CHL1: variants seen among roughly 807,000 people sequenced by gnomAD.
CHL1 encodes cell adhesion molecule L1 like.
A neutral mutation model predicts 141.9 loss-of-function variants in CHL1; 96 were observed. The ratio of observed to expected loss-of-function variants is 0.68; its 90% CI spans 0.57 to 0.80. CHL1 has a LOEUF of 0.80. Ranked by LOEUF, CHL1 falls within the 30% of genes least tolerant of loss-of-function variation. The pLI is 0.00. For synonymous variants in CHL1, 613 were observed against 502.2 expected, an observed-to-expected ratio of 1.22 and a Z score of -2.95; for missense variants, 1,820 against 1,457.2, an observed-to-expected ratio of 1.25 and a Z score of -4.05.
chr3:405,827 G>A lies in CHL1; in HGVS notation c.*116G>A, dbSNP rs1322674659. 2 of 699,186 alleles carry A rather than the reference G, an allele frequency of 2.9e-6. No homozygotes were observed. Among genetic ancestry groups the A allele is most frequent in the East Asian group, 5.4e-5 (2 of 37,100 alleles). 43.3% of individuals were successfully genotyped at this position (699,186 alleles called of 1,614,324 possible). A position where few individuals can be genotyped will look rare whatever the true frequency, so the allele number is the denominator to read the frequency against. ...ACATGCTGGCCGAAGATTTCATCCA[G>A]AAGTCAACATCCTGCAATTATGTTG... is the stretch of plus-strand genomic sequence containing the variant. On this transcript the variant is annotated 3_prime_UTR_variant, in exon 28 of 28. Coordinates refer to ENST00000256509, the MANE Select transcript of CHL1 (RefSeq NM_006614.4).
At chr3:397,844 C>T (rs752520638) in intron 24 of CHL1, among the ~76,000 whole-genome samples, 8 of 151,988 alleles carry the variant, frequency 5.3e-5, no homozygotes, top group East Asian at 3.9e-4. Context: ...TAGTTAGTTA[C>T]GATTATAAGG....
At position 382,357 on chromosome 3, in the gene CHL1, T is replaced by C. The variant is rs1486424837; in HGVS notation, c.1978+77T>C. The C allele has an allele frequency of 3.4e-6, 5 of 1,469,232 alleles. No homozygotes were observed. The African/African-American group carries it at 7.0e-5, about 21-fold the overall frequency. The allele number at this position is 1,469,232 out of a possible 1,614,324, so 91.0% of individuals were successfully genotyped here. A position where few individuals can be genotyped will look rare whatever the true frequency, so the allele number is the denominator to read the frequency against. The stretch of plus-strand genomic sequence containing the variant: ...TAGCGAAGTCACTTTTTAACCACTC[T>C]TACTGGTTTATTCTTCTTATAACAT... On this transcript the variant is annotated intron_variant, in intron 17 of 27. Transcript: ENST00000256509.
chr3:382,737 A>G, intron 18 of CHL1, 66 bp downstream of exon 18: 4 of 1,362,778 alleles, frequency 2.9e-6, no homozygotes, highest in Non-Finnish European at 4.2e-6. Flanking sequence ...GAACATCTAA[A>G]AAAAAAAGAT....
At chr3:386,301 T>C (rs775414711) in intron 19 of CHL1, among the ~76,000 whole-genome samples, 3 of 152,206 alleles carry the variant, frequency 2.0e-5, no homozygotes, top group Non-Finnish European at 4.4e-5. Context: ...TTTTGTTTAT[T>C]TGTTTATGTT....
chr3:354,841 G>T (rs1185307564), intron 11 of CHL1, 70 bp downstream of exon 11: 9 of 1,566,972 alleles, frequency 5.7e-6, no homozygotes, highest in African/African-American at 5.4e-5. Context: ...ATGGTCAGAC[G>T]TGTGTAAAAT....
chr3:237,316 T>G (rs1377839171), intron 1 of CHL1, among the ~76,000 whole-genome samples: 1 of 152,198 alleles, frequency 6.6e-6, no homozygotes, highest in African/African-American at 2.4e-5. Context: ...TGCTTCCCCT[T>G]CACCTTCTGC....
At chr3:204,624 A>C (rs1183314132) in intron 1 of CHL1, among the ~76,000 whole-genome samples, 2 of 152,222 alleles carry the variant, frequency 1.3e-5, no homozygotes, top group Non-Finnish European at 2.9e-5. Flanking sequence ...TAAAAACTGT[A>C]AAGTGACAGA....
chr3:319,232 G>A (rs1202565729), intron 2 of CHL1, among the ~76,000 whole-genome samples: 6 of 130,396 alleles, frequency 4.6e-5, no homozygotes, highest in Non-Finnish European at 6.6e-5. Flanking sequence ...ATGGGGGAGG[G>A]TAAGAAGGAG....
intron 2 of CHL1, chr3:309,471 T>TTCTC (rs149433572): frequency 6.6e-6 from 1 of 150,376 alleles, no homozygotes; most frequent in African/African-American, 2.4e-5. Context: ...TTCTTATTCC[T>TTCTC]TCTCTCTCTC....
chr3:383,820 AG>A lies in CHL1; in HGVS notation c.2182del (p.Asp728IlefsTer7). 6.2e-7 allele frequency: 1 copy of A among 1,609,226 alleles called. No homozygotes were observed. The highest frequency in any genetic ancestry group is 8.5e-7 in the Non-Finnish European group (1 of 1,177,136). On this transcript the variant is annotated frameshift_variant, in exon 19 of 28. Transcript: ENST00000256509. LOFTEE classifies it high-confidence loss of function. ...DHHETPPAAP[D>X]RNPQNIRVQA... ...TTAATGTTTTTAATTTTTCAGCTCC[AG>A]ATAGGAATCCACAAAACATAAGGGT...
intron 15 of CHL1, among the ~76,000 whole-genome samples, chr3:368,060 A>G (rs1166044767): frequency 6.6e-6 from 1 of 152,112 alleles, no homozygotes; most frequent in Admixed American, 6.5e-5. Context: ...ATAAACATAT[A>G]TGTGTATGTG....
At chr3:403,719 C>T (rs1030875014) in intron 27 of CHL1, among the ~76,000 whole-genome samples, 10 of 152,148 alleles carry the variant, frequency 6.6e-5, no homozygotes, top group African/African-American at 9.7e-5. Flanking sequence ...TGCATTATTT[C>T]CTATGACATC....
chr3:275,649 TTGG>T (rs1472234143), intron 2 of CHL1, among the ~76,000 whole-genome samples: 1 of 152,202 alleles, frequency 6.6e-6, no homozygotes, highest in Non-Finnish European at 1.5e-5. Flanking sequence ...GTCCACATGT[TTGG>T]CCTTTTTTCC....
chr3:307,848 G>A (rs1424412766), intron 2 of CHL1, among the ~76,000 whole-genome samples: 1 of 152,116 alleles, frequency 6.6e-6, no homozygotes, highest in Non-Finnish European at 1.5e-5. Flanking sequence ...CTATACTTAT[G>A]GGGTACATTA....
chr3:251,835 C>T (rs569208566), intron 2 of CHL1, among the ~76,000 whole-genome samples: 2 of 152,236 alleles, frequency 1.3e-5, no homozygotes, highest in South Asian at 4.1e-4. Flanking sequence ...ATTTCTTCTA[C>T]TAAAAAGCCT....
Position 382,581 on chromosome 3 carries a change from G to A in CHL1, c.2086G>A (p.Val696Met), listed in dbSNP as rs1393385168. The change falls in exon 18 of 28, where the codon GTG (valine) becomes ATG (methionine). Residue 696 changes from valine to methionine, a missense_variant. Coordinates refer to ENST00000256509, the MANE Select transcript of CHL1 (RefSeq NM_006614.4). ...TTVILPLAPF[V>M]RYQFRVIAVN... ...AGTTATCTTACCTTTGGCTCCATTT[G>A]TGAGATACCAGTTCAGGGTCATAGC... is the stretch of plus-strand genomic sequence containing the variant. 1 of 1,613,950 alleles carries A rather than the reference G, an allele frequency of 6.2e-7. No homozygotes were observed. Among genetic ancestry groups the A allele is most frequent in the South Asian group, 1.1e-5 (1 of 91,084 alleles).
intron 27 of CHL1, among the ~76,000 whole-genome samples, chr3:404,113 G>T (rs1709350645): frequency 6.6e-6 from 1 of 152,186 alleles, no homozygotes; most frequent in Admixed American, 6.5e-5. Flanking sequence ...AGGAGCACTG[G>T]CTGGTGGACG....
chr3:235,272 C>T (rs957494066), intron 1 of CHL1, among the ~76,000 whole-genome samples: 3 of 151,764 alleles, frequency 2.0e-5, no homozygotes, highest in African/African-American at 7.3e-5. Flanking sequence ...TTAAGGTTAT[C>T]AAAATTATAA....
chr3:202,793 T>A (rs1699076172), intron 1 of CHL1, among the ~76,000 whole-genome samples: 1 of 152,240 alleles, frequency 6.6e-6, no homozygotes, highest in African/African-American at 2.4e-5. Context: ...CACTTTATTC[T>A]CTGAAGATCT....
Sources: allele counts gnomAD v4.1 joint callset (sites outside exome capture counted in the v4.1 genomes callset), GRCh38; gene constraint gnomAD v4.1.1; transcripts MANE v1.5; gene names NCBI Gene and HGNC (gene_info 2026-07-23, HGNC 2026-07-21).